The following OOEP variants were observed in gnomAD, a reference collection of about 807,000 sequenced individuals.
OOEP encodes oocyte-expressed protein homolog.
A neutral mutation model predicts 13.7 loss-of-function variants in OOEP; 16 were observed. The ratio of observed to expected loss-of-function variants is 1.16; its 90% CI spans 0.79 to 1.77. The LOEUF (loss-of-function observed/expected upper bound fraction) is 1.77, where lower values mean the gene tolerates loss of function less well. OOEP is among the 40% of genes most tolerant of loss of function. OOEP has a pLI of 0.00. For synonymous variants in OOEP, 89 were observed against 77.1 expected, an observed-to-expected ratio of 1.15 and a Z score of -0.81; for missense variants, 195 against 193.1, an observed-to-expected ratio of 1.01 and a Z score of -0.06.
intron 2 of OOEP, chr6:73,394,282 T>G (rs1769404397): frequency 1.4e-6 from 1 of 712,136 alleles, no homozygotes; most frequent in African/African-American, 1.8e-5. Context: ...TAAATGCTGT[T>G]TTGTCAATCT....
intron 2 of OOEP, among the ~76,000 whole-genome samples, chr6:73,386,817 AATTAGCC>A (rs1769278396): frequency 6.6e-6 from 1 of 151,592 alleles, no homozygotes; most frequent in South Asian, 2.1e-4. Flanking sequence ...AATACAAAAA[AATTAGCC>A]AGGCATGGTG....
At chr6:73,394,930 A>C (rs767446508) in exon 1 of OOEP, 6 of 1,614,252 alleles carry the variant, frequency 3.7e-6, no homozygotes, top group Non-Finnish European at 5.1e-6. Flanking sequence ...AGGAGCTCCC[A>C]AGGCCTCTAC....
At chr6:73,391,065 C>G (rs933884114) in intron 2 of OOEP, 4 of 152,218 alleles carry the variant, frequency 2.6e-5, no homozygotes, top group Non-Finnish European at 5.9e-5. Context: ...CAGAAGCTCT[C>G]AGAGAGGACA....
At chr6:73,395,158 G>A, upstream of OOEP, 1 of 1,606,890 alleles carries the variant, frequency 6.2e-7, no homozygotes, top group Middle Eastern at 1.7e-4. Context: ...GGTAATCGGT[G>A]AGAATGGGAG....
At chr6:73,387,895 G>T (rs1050303510) in intron 2 of OOEP, among the ~76,000 whole-genome samples, 1 of 152,184 alleles carries the variant, frequency 6.6e-6, no homozygotes, top group Non-Finnish European at 1.5e-5. Context: ...CTGAGACAGG[G>T]TCTTGCTCTG....
At chr6:73,394,568 C>A in intron 1 of OOEP, 1 of 517,772 alleles carries the variant, frequency 1.9e-6, no homozygotes, top group Non-Finnish European at 3.3e-6. Flanking sequence ...GGGGAGGGAG[C>A]AAATTGGGCG....
At chr6:73,374,655 C>T (rs1239144446), upstream of OOEP, among the ~76,000 whole-genome samples, 1 of 152,146 alleles carries the variant, frequency 6.6e-6, no homozygotes, top group African/African-American at 2.4e-5. Context: ...CTCCTAGGCT[C>T]CAGCAACCCT....
chr6:73,390,087 G>T (rs538078893), intron 2 of OOEP, among the ~76,000 whole-genome samples: 1 of 152,230 alleles, frequency 6.6e-6, no homozygotes, highest in African/African-American at 2.4e-5. Flanking sequence ...GCTGAGGGAG[G>T]AGAATCACTT....
In OOEP at chr6:73,394,458, C is replaced by G. The variant is rs1403856750; in HGVS notation, c.-88G>C. ...GAAGCCAGAAGCCAAGAGTTCAAGA[C>G]CTGCCTGGGCAACACGGCGACACCC... On this transcript the variant is annotated 5_prime_UTR_variant, in exon 2 of 4. Coordinates refer to the OOEP transcript ENST00000370363. 4.3e-6 allele frequency: 3 copies of G among 691,028 alleles called. No individual in the cohort carries two copies. In the African/African-American group the frequency reaches 5.4e-5, roughly 12 times the overall value. 42.8% of individuals were successfully genotyped at this position (691,028 alleles called of 1,614,324 possible). A position where few individuals can be genotyped will look rare whatever the true frequency, so the allele number is the denominator to read the frequency against.
chr6:73,386,091 CTTTTT>C (rs553140658), intron 2 of OOEP, among the ~76,000 whole-genome samples: 1 of 134,812 alleles, frequency 7.4e-6, no homozygotes. Context: ...ACATGCTTTT[CTTTTT>C]TTTTTTTTTT....
chr6:73,387,867 A>C (rs1392650484), intron 2 of OOEP: 4 of 152,262 alleles, frequency 2.6e-5, no homozygotes, highest in South Asian at 4.2e-4. Flanking sequence ...ACAACATTAG[A>C]ATTTTATTTT....
chr6:73,392,862 C>T (rs539146962), intron 2 of OOEP, among the ~76,000 whole-genome samples: 3 of 151,664 alleles, frequency 2.0e-5, no homozygotes, highest in African/African-American at 7.3e-5. Flanking sequence ...GATCTCTTGA[C>T]CTTGTGATCC....
In OOEP at chr6:73,393,346, C is replaced by T. The variant is rs142623672; in HGVS notation, c.25+1000G>A. 4.6e-5 allele frequency among the ~76,000 whole-genome samples: 7 copies of T among 152,222 alleles called. No homozygotes were observed. In the East Asian group the frequency reaches 1.4e-3, roughly 29 times the overall value. On this transcript the variant is annotated intron_variant, in intron 2 of 3. Coordinates refer to the OOEP transcript ENST00000370363. ...GGCTCAAGAGATCCTCCGCCTAGGC[C>T]TCCTAAAGTGTTGAGATTACAGGTA...
intron 2 of OOEP, among the ~76,000 whole-genome samples, chr6:73,386,641 T>C (rs1254377239): frequency 6.6e-6 from 1 of 152,040 alleles, no homozygotes; most frequent in Non-Finnish European, 1.5e-5. Context: ...ATTTAGACCC[T>C]TACCTCACGA....
intron 2 of OOEP, among the ~76,000 whole-genome samples, chr6:73,375,558 C>T (rs773114622): frequency 2.0e-5 from 3 of 148,086 alleles, no homozygotes; most frequent in Non-Finnish European, 4.4e-5. Flanking sequence ...CCAGCCTGGA[C>T]TCTCTTTTCC....
chr6:73,370,482 T>C (rs1158258956), upstream of OOEP, among the ~76,000 whole-genome samples: 1 of 152,222 alleles, frequency 6.6e-6, no homozygotes, highest in Non-Finnish European at 1.5e-5. Flanking sequence ...AAATTTGGAT[T>C]ATGAAAGGTT....
At chr6:73,382,212 TA>T in intron 2 of OOEP, among the ~76,000 whole-genome samples, 1 of 101,472 alleles carries the variant, frequency 9.9e-6, no homozygotes, top group South Asian at 3.8e-4. Flanking sequence ...CACACCTGGC[TA>T]ATTTTTTTTT....
At chr6:73,377,795 G>C (rs62440589) in intron 2 of OOEP, among the ~76,000 whole-genome samples, 8 of 152,144 alleles carry the variant, frequency 5.3e-5, no homozygotes, top group Non-Finnish European at 1.0e-4. Context: ...AGTCTCCTGA[G>C]GAGCTGGAAC....
At chr6:73,370,863 C>T (rs1406010026), upstream of OOEP, among the ~76,000 whole-genome samples, 1 of 152,152 alleles carries the variant, frequency 6.6e-6, no homozygotes, top group Non-Finnish European at 1.5e-5. Context: ...TTCACTGAAG[C>T]CTCGACCTCC....
Sources: allele counts gnomAD v4.1 joint callset (sites outside exome capture counted in the v4.1 genomes callset), GRCh38; gene constraint gnomAD v4.1.1; transcripts MANE v1.5; gene names NCBI Gene and HGNC (gene_info 2026-07-23, HGNC 2026-07-21).